KIRREL3: variants seen among roughly 807,000 people sequenced by gnomAD.
KIRREL3 encodes the protein kirre like nephrin family adhesion molecule 3.
A neutral mutation model predicts 89.7 loss-of-function variants in KIRREL3; 36 were observed. The observed-to-expected ratio is 0.40, with a 90% CI of 0.31 to 0.53. KIRREL3 has a LOEUF of 0.53. KIRREL3 is among the 20% of genes least tolerant of loss of function. The pLI, the probability that KIRREL3 is intolerant of heterozygous loss-of-function variation, is 0.49. For synonymous variants in KIRREL3, 445 were observed against 441.4 expected (o/e 1.01, Z -0.10); for missense variants, 864 against 1,056.6 (o/e 0.82, Z 2.53).
chr11:126,947,931 G>A (rs1023789921), intron 1 of KIRREL3, among the ~76,000 whole-genome samples: 1 of 152,170 alleles, frequency 6.6e-6, no homozygotes, highest in African/African-American at 2.4e-5. Flanking sequence ...GGAATGGGAG[G>A]TGAACTGGAA....
chr11:126,913,579 C>A (rs191735195), intron 1 of KIRREL3, among the ~76,000 whole-genome samples: 200 of 152,332 alleles, frequency 1.3e-3, no homozygotes, highest in African/African-American at 4.5e-3. Flanking sequence ...GAGGAAGGAG[C>A]TAAGACAAAG....
At chr11:126,671,772 G>A (rs951875980) in intron 1 of KIRREL3, among the ~76,000 whole-genome samples, 1 of 152,176 alleles carries the variant, frequency 6.6e-6, no homozygotes, top group African/African-American at 2.4e-5. Context: ...CAGAAAAGCT[G>A]ACAATACTGG....
intron 1 of KIRREL3, among the ~76,000 whole-genome samples, chr11:126,980,472 A>T (rs1949690584): frequency 6.6e-6 from 1 of 152,162 alleles, no homozygotes. Context: ...GGGGAGGAGT[A>T]AATTGTGTAC....
intron 2 of KIRREL3, among the ~76,000 whole-genome samples, chr11:126,546,403 A>T (rs532077236): frequency 1.3e-5 from 2 of 152,330 alleles, no homozygotes; most frequent in South Asian, 4.1e-4. Context: ...CACCCTGGAC[A>T]GCTCCCAATC....
At chr11:126,819,481 C>T (rs775913343) in intron 1 of KIRREL3, among the ~76,000 whole-genome samples, 2 of 152,234 alleles carry the variant, frequency 1.3e-5, no homozygotes, top group African/African-American at 2.4e-5. Flanking sequence ...GCTGCTCCTT[C>T]CTGCCATTTG....
At position 126,486,832 on chromosome 11, in the gene KIRREL3, C is replaced by A. The variant is rs1246739898; in HGVS notation, c.434-13366G>T. 3.9e-5 allele frequency among the ~76,000 whole-genome samples: 6 copies of A among 152,192 alleles called. No individual in the cohort carries two copies. The highest frequency in any genetic ancestry group is 1.4e-4 in the African/African-American group (6 of 41,440). On this transcript the variant is annotated intron_variant, in intron 4 of 16. Transcript: ENST00000525144. This position sits in a 1 kb window ranked among gnomAD's most constrained non-coding sequence, Gnocchi z 6.2. ...GATCTGCATTGGTTCACTTCGGTAG[C>A]TTTAATAGCATCAAGGCAGCCATCC...
In KIRREL3 at chr11:126,742,836, C is replaced by T. The variant is rs774569908; in HGVS notation, c.56-179924G>A. Among the ~76,000 whole-genome samples, 9 of 152,214 alleles carry T rather than the reference C, an allele frequency of 5.9e-5. No individual in the cohort carries two copies. The highest frequency in any genetic ancestry group is 1.2e-4 in the Non-Finnish European group (8 of 68,038). On this transcript the variant is annotated intron_variant, in intron 1 of 16. Transcript: ENST00000525144. This position sits in a 1 kb window ranked among gnomAD's most constrained non-coding sequence, Gnocchi z 5.3. Reference sequence around the variant, plus strand: ...CACTGGCACATTCGTTGCTGGGCAACGTGGCTCCTCTCTGAAGAGGCAAGA... The same window carrying T: ...CACTGGCACATTCGTTGCTGGGCAATGTGGCTCCTCTCTGAAGAGGCAAGA...
At chr11:126,472,699 T>TCGAGG (rs1361335302) in intron 5 of KIRREL3, among the ~76,000 whole-genome samples, 1 of 61,348 alleles carries the variant, frequency 1.6e-5, no homozygotes, top group African/African-American at 4.8e-5. Context: ...CCCTAGGACA[T>TCGAGG]AGAGGAGAGA....
rs1948955937 is a variant in KIRREL3, at chr11:126,740,791, G to C, written c.56-177879C>G. 6.6e-6 allele frequency among the ~76,000 whole-genome samples: 1 copy of C among 152,112 alleles called. No individual in the cohort carries two copies. Among genetic ancestry groups the C allele is most frequent in the Non-Finnish European group, 1.5e-5 (1 of 68,020 alleles). On this transcript the variant is annotated intron_variant, in intron 1 of 16. Coordinates refer to ENST00000525144, the MANE Select transcript of KIRREL3 (RefSeq NM_032531.4). This position sits in a 1 kb window ranked among gnomAD's most constrained non-coding sequence, Gnocchi z 6.0. ...CTGGGCTAAAATATATCCTTTCCTT[G>C]TTGGGAGCAGAGAGGGTAATCCTTG...
Position 126,496,895 on chromosome 11 carries a change from T to C in KIRREL3, c.434-23429A>G, listed in dbSNP as rs1957672865. The stretch of plus-strand genomic sequence containing the variant: ...TCTCCAGTGCCTCAATGTCCCGGAA[T>C]TGCTTCTTGGAGGCCAATGAGAGTG... On this transcript the variant is annotated intron_variant, in intron 4 of 16. Coordinates refer to ENST00000525144, the MANE Select transcript of KIRREL3 (RefSeq NM_032531.4). The surrounding 1 kb of genome is among the most constrained non-coding windows in gnomAD (Gnocchi z 4.9). 6.6e-6 allele frequency among the ~76,000 whole-genome samples: 1 copy of C among 152,036 alleles called. No homozygotes were observed. Among genetic ancestry groups the C allele is most frequent in the South Asian group, 2.1e-4 (1 of 4,822 alleles).
chr11:126,549,276 AAC>A (rs1939066954), intron 2 of KIRREL3: 1 of 152,186 alleles, frequency 6.6e-6, no homozygotes, highest in African/African-American at 2.4e-5. Flanking sequence ...TACCAGTAAC[AAC>A]ACAGTTTCCA....
intron 1 of KIRREL3, among the ~76,000 whole-genome samples, chr11:126,720,940 G>A (rs572011508): frequency 6.6e-6 from 1 of 152,318 alleles, no homozygotes; most frequent in South Asian, 2.1e-4. Context: ...AACAATCTGG[G>A]AGAAAGGTCT....
At chr11:126,790,589 T>A (rs1216756435) in intron 1 of KIRREL3, among the ~76,000 whole-genome samples, 1 of 152,204 alleles carries the variant, frequency 6.6e-6, no homozygotes, top group South Asian at 2.1e-4. Flanking sequence ...AACCATGTGA[T>A]CCATTATTTT....
In KIRREL3 at chr11:126,744,876, T is replaced by TA. The variant is rs34828983; in HGVS notation, c.56-181965dup. On this transcript the variant is annotated intron_variant, in intron 1 of 16. Transcript: ENST00000525144. The surrounding 1 kb of genome is among the most constrained non-coding windows in gnomAD (Gnocchi z 4.7). The stretch of plus-strand genomic sequence containing the variant: ...ATTGTGTCTGCCACATAGTAAGTGC[T>TA]AAAAAAAAAAAAAAAGGTGGGAAAA... 3.7e-3 allele frequency among the ~76,000 whole-genome samples: 538 copies of TA among 143,626 alleles called. 3 individuals carry two copies. Among genetic ancestry groups the TA allele is most frequent in the African/African-American group, 0.012 (453 of 38,910 alleles). 94.2% of individuals were successfully genotyped at this position (143,626 alleles called of 152,430 possible).
chr11:126,636,902 C>T lies in KIRREL3; in HGVS notation c.56-73990G>A, dbSNP rs559599964. Among the ~76,000 whole-genome samples the T allele has an allele frequency of 1.3e-5, 2 of 152,166 alleles. No homozygotes were observed. The highest frequency in any genetic ancestry group is 2.4e-5 in the African/African-American group (1 of 41,428). On this transcript the variant is annotated intron_variant, in intron 1 of 16. Transcript: ENST00000525144. This position sits in a 1 kb window ranked among gnomAD's most constrained non-coding sequence, Gnocchi z 4.4. ...TCACATCAATACAATGAAAGTAACACCTATATCATGGCATTACTGGAAGAT... is the reference window on the plus strand; with the variant it reads ...TCACATCAATACAATGAAAGTAACATCTATATCATGGCATTACTGGAAGAT...
At position 126,563,102 on chromosome 11, in the gene KIRREL3, A is replaced by G. The variant is rs193279224; in HGVS notation, c.56-190T>C. On this transcript the variant is annotated intron_variant, in intron 1 of 16. Transcript: ENST00000525144. The surrounding 1 kb of genome is among the most constrained non-coding windows in gnomAD (Gnocchi z 6.8). ...CCAGCAATTCTTCATTTTGATTCTC[A>G]TAACAACCCTGTGAAGGATGTTTCC... Among the ~76,000 whole-genome samples the G allele has an allele frequency of 4.0e-4, 61 of 152,344 alleles. No individual in the cohort carries two copies. Among genetic ancestry groups the G allele is most frequent in the African/African-American group, 1.4e-3 (58 of 41,568 alleles).
intron 1 of KIRREL3, among the ~76,000 whole-genome samples, chr11:126,986,328 T>C (rs1160890509): frequency 3.3e-5 from 5 of 152,158 alleles, no homozygotes; most frequent in Non-Finnish European, 7.4e-5. Context: ...GAAGTGAATA[T>C]CAATACTTGT....
In KIRREL3 at chr11:126,943,826, G is replaced by A. The variant is rs148084319; in HGVS notation, c.55+56629C>T. 3.3e-4 allele frequency among the ~76,000 whole-genome samples: 51 copies of A among 152,270 alleles called. 1 individual carries two copies. The East Asian group carries it at 8.7e-3, about 26-fold the overall frequency. On this transcript the variant is annotated intron_variant, in intron 1 of 16. Coordinates refer to ENST00000525144, the MANE Select transcript of KIRREL3 (RefSeq NM_032531.4). The surrounding 1 kb of genome is among the most constrained non-coding windows in gnomAD (Gnocchi z 4.2). ...ATGAGAGAAAACAAAGTGAGGAAAC[G>A]GCTAATCTCAAGGTTTAGGAGGTGA... is the stretch of plus-strand genomic sequence containing the variant.
chr11:126,899,637 G>A (rs1254319325), intron 1 of KIRREL3, among the ~76,000 whole-genome samples: 4 of 152,130 alleles, frequency 2.6e-5, no homozygotes, highest in African/African-American at 7.2e-5. Context: ...ATATCTGATC[G>A]GGCAAATCAA....
Sources: allele counts gnomAD v4.1 joint callset (sites outside exome capture counted in the v4.1 genomes callset), GRCh38; gene constraint gnomAD v4.1.1; non-coding constraint Gnocchi (gnomAD v3.1); transcripts MANE v1.5; gene names NCBI Gene and HGNC (gene_info 2026-07-23, HGNC 2026-07-21).